SCHIP1: variants seen among roughly 807,000 people sequenced by gnomAD.
SCHIP1 encodes the protein schwannomin interacting protein 1.
In SCHIP1, 8 loss-of-function variants were observed where a neutral mutation model predicts 29.7. That is an observed-to-expected ratio of 0.27 (90% CI 0.16 to 0.49). SCHIP1 has a LOEUF of 0.49. SCHIP1 is among the 20% of genes least tolerant of loss of function. The pLI is 0.99. For missense variants in SCHIP1, 193 were observed against 294.6 expected (o/e 0.66, Z 2.52); for synonymous variants, 76 against 94.9 (o/e 0.80, Z 1.16).
At chr3:159,827,825 AAG>A in the SCHIP1 span, among the ~76,000 whole-genome samples, 1 of 151,924 alleles carries the variant, frequency 6.6e-6, no homozygotes, top group Admixed American at 6.6e-5. Context: ...AAAAAAAAAA[AAG>A]AAAATAGAAA....
the SCHIP1 span, among the ~76,000 whole-genome samples, chr3:159,527,071 A>C: frequency 6.6e-6 from 1 of 152,210 alleles, no homozygotes; most frequent in Admixed American, 6.5e-5. Context: ...TGCCTGGAAA[A>C]TGTGGTCACA....
chr3:159,644,445 C>A, the SCHIP1 span, among the ~76,000 whole-genome samples: 4 of 152,020 alleles, frequency 2.6e-5, no homozygotes, highest in Non-Finnish European at 5.9e-5. Context: ...CGACCCTGTC[C>A]AGGTTATCTG....
At chr3:159,517,486 G>A in the SCHIP1 span, among the ~76,000 whole-genome samples, 1 of 152,110 alleles carries the variant, frequency 6.6e-6, no homozygotes, top group Admixed American at 6.6e-5. Flanking sequence ...AAAAAATTTT[G>A]TGATAAAGCA....
the SCHIP1 span, among the ~76,000 whole-genome samples, chr3:159,498,361 A>G: frequency 6.6e-6 from 1 of 152,246 alleles, no homozygotes; most frequent in Admixed American, 6.5e-5. Flanking sequence ...AACAACCAGT[A>G]ATTCCTTGTA....
the SCHIP1 span, among the ~76,000 whole-genome samples, chr3:159,615,051 A>G: frequency 6.6e-6 from 1 of 152,302 alleles, no homozygotes; most frequent in East Asian, 1.9e-4. Context: ...TGGTCAGGAA[A>G]AGTTTCCTCA....
At chr3:159,353,514 C>T in the SCHIP1 span, among the ~76,000 whole-genome samples, 36 of 152,018 alleles carry the variant, frequency 2.4e-4, 4 homozygotes, top group South Asian at 7.5e-3. Context: ...TTAAGTTATA[C>T]CACAAGGCAT....
chr3:159,521,625 T>C, the SCHIP1 span, among the ~76,000 whole-genome samples: 1 of 152,240 alleles, frequency 6.6e-6, no homozygotes, highest in African/African-American at 2.4e-5. Flanking sequence ...GTTTGAATAC[T>C]CCAAGTACTG....
the SCHIP1 span, among the ~76,000 whole-genome samples, chr3:159,634,983 G>A: frequency 2.6e-3 from 395 of 152,166 alleles, 4 homozygotes; most frequent in Non-Finnish European, 3.1e-3. Context: ...ATCTGTAAAT[G>A]CACACGTTTT....
chr3:159,765,186 C>G, the SCHIP1 span: 56 of 1,498,238 alleles, frequency 3.7e-5, no homozygotes, highest in Admixed American at 1.2e-3. Context: ...CGCGTACACA[C>G]CCCGCGCACA....
chr3:159,355,567 A>G, the SCHIP1 span, among the ~76,000 whole-genome samples: 2 of 152,200 alleles, frequency 1.3e-5, no homozygotes, highest in African/African-American at 4.8e-5. Context: ...ATAAGCATCT[A>G]TTGTGGTTCT....
chr3:159,480,426 ACT>A, the SCHIP1 span, among the ~76,000 whole-genome samples: 2 of 152,080 alleles, frequency 1.3e-5, no homozygotes, highest in Non-Finnish European at 2.9e-5. Context: ...CAATTTTCTC[ACT>A]CTGTTTCTAG....
the SCHIP1 span, among the ~76,000 whole-genome samples, chr3:159,637,823 C>T: frequency 6.6e-6 from 1 of 152,058 alleles, no homozygotes; most frequent in African/African-American, 2.4e-5. Flanking sequence ...CAGCATTGGC[C>T]ATTACAAGAT....
chr3:159,752,906 A>T, the SCHIP1 span, among the ~76,000 whole-genome samples: 2 of 152,220 alleles, frequency 1.3e-5, no homozygotes, highest in Admixed American at 1.3e-4. Context: ...AATGTGTCAC[A>T]ACGTATGTAA....
the SCHIP1 span, among the ~76,000 whole-genome samples, chr3:159,533,812 G>A: frequency 6.6e-6 from 1 of 152,272 alleles, no homozygotes; most frequent in East Asian, 1.9e-4. Context: ...CCCTAATTCT[G>A]GGGTTTTATA....
the SCHIP1 span, among the ~76,000 whole-genome samples, chr3:159,320,135 G>C: frequency 6.6e-6 from 1 of 152,206 alleles, no homozygotes; most frequent in Non-Finnish European, 1.5e-5. Context: ...TTAGTTTTTA[G>C]TTCTCCATTA....
At chr3:159,393,723 AG>A in the SCHIP1 span, among the ~76,000 whole-genome samples, 2 of 151,000 alleles carry the variant, frequency 1.3e-5, no homozygotes, top group South Asian at 2.1e-4. Context: ...GTAGCCTTGT[AG>A]TATAGTTTGA....
chr3:159,675,906 C>T, the SCHIP1 span, among the ~76,000 whole-genome samples: 1,082 of 151,618 alleles, frequency 7.1e-3, 10 homozygotes, highest in African/African-American at 0.025. Context: ...CTGAGGGGGG[C>T]GGATCACCTG....
the SCHIP1 span, among the ~76,000 whole-genome samples, chr3:159,282,062 A>G: frequency 7.9e-5 from 12 of 152,136 alleles, no homozygotes; most frequent in African/African-American, 2.7e-4. Context: ...GTAATATGAA[A>G]TCACATAGAC....
chr3:159,284,904 G>A, the SCHIP1 span, among the ~76,000 whole-genome samples: 3 of 152,032 alleles, frequency 2.0e-5, no homozygotes, highest in African/African-American at 7.2e-5. Context: ...TTAAGGTTTT[G>A]AATTTGTTCT....
Sources: allele counts gnomAD v4.1 joint callset (sites outside exome capture counted in the v4.1 genomes callset), GRCh38; gene constraint gnomAD v4.1.1; transcripts MANE v1.5; gene names NCBI Gene and HGNC (gene_info 2026-07-23, HGNC 2026-07-21).